The following RBFOX1 variants were observed in gnomAD, a reference collection of about 807,000 sequenced individuals.
RBFOX1 encodes RNA binding protein fox-1 homolog 1.
In RBFOX1, 8 loss-of-function variants were observed where a neutral mutation model predicts 57.7. That is an observed-to-expected ratio of 0.14 (90% CI 0.08 to 0.25). RBFOX1 has a LOEUF of 0.25. RBFOX1 is among the 10% of genes least tolerant of loss of function. The probability of loss-of-function intolerance (pLI) is 1.00; values close to 1 mark genes in which losing one functional copy is unlikely to be tolerated. For missense variants in RBFOX1, 611 were observed against 548.5 expected (o/e 1.11, Z -1.14); for synonymous variants, 326 against 222.4 (o/e 1.47, Z -4.15).
intron 4 of RBFOX1, among the ~76,000 whole-genome samples, chr16:7,420,723 G>C (rs910524760): frequency 6.6e-6 from 1 of 151,062 alleles, no homozygotes; most frequent in African/African-American, 2.4e-5. Context: ...ATGTACAAAT[G>C]TATGACTTCA....
intron 5 of RBFOX1, among the ~76,000 whole-genome samples, chr16:7,552,805 C>G (rs2086974983): frequency 6.6e-6 from 1 of 152,120 alleles, no homozygotes; most frequent in South Asian, 2.1e-4. Flanking sequence ...GCCTCAGACT[C>G]TCGAGTAGCT....
chr16:6,639,037 G>A (rs1432647846), intron 2 of RBFOX1, among the ~76,000 whole-genome samples: 1 of 152,142 alleles, frequency 6.6e-6, no homozygotes, highest in East Asian at 1.9e-4. Context: ...GAGACCTGTG[G>A]CCCCACCCAG....
intron 2 of RBFOX1, among the ~76,000 whole-genome samples, chr16:6,550,113 G>T (rs377492157): frequency 6.6e-6 from 1 of 151,870 alleles, no homozygotes; most frequent in South Asian, 2.1e-4. Flanking sequence ...TTTTCTCTTC[G>T]CTCTGTTTGG....
At chr16:7,435,684 C>G (rs560067977) in intron 4 of RBFOX1, among the ~76,000 whole-genome samples, 78 of 152,296 alleles carry the variant, frequency 5.1e-4, no homozygotes, top group Non-Finnish European at 8.7e-4. Context: ...TTGCCTGCCC[C>G]CGAAGCTATT....
chr16:6,602,893 G>T (rs745716087), intron 2 of RBFOX1, among the ~76,000 whole-genome samples: 12 of 152,222 alleles, frequency 7.9e-5, no homozygotes, highest in Non-Finnish European at 1.2e-4. Flanking sequence ...GAGTGCTTAA[G>T]ACTCTTTCCC....
rs752166946 is a variant in RBFOX1, at chr16:5,335,171, C to T, written c.219+95066C>T. 3.3e-5 allele frequency among the ~76,000 whole-genome samples: 5 copies of T among 150,084 alleles called. 1 individual carries two copies. Among genetic ancestry groups the T allele is most frequent in the African/African-American group, 7.3e-5 (3 of 40,944 alleles). ...TTTGGCTGTTTTTCTTCCGAATTGC[C>T]AGTTCACCTCTCTGCAATTTAAAAA... On this transcript the variant is annotated intron_variant, in intron 1 of 2. Coordinates refer to the RBFOX1 transcript ENST00000585867.
chr16:7,149,659 C>T (rs974910608), intron 4 of RBFOX1, among the ~76,000 whole-genome samples: 6 of 151,690 alleles, frequency 4.0e-5, no homozygotes, highest in Non-Finnish European at 7.4e-5. Context: ...CTATATGCCC[C>T]CGCAGGCCTC....
chr16:6,145,333 A>G (rs558460147), intron 1 of RBFOX1, among the ~76,000 whole-genome samples: 175 of 152,054 alleles, frequency 1.2e-3, no homozygotes, highest in African/African-American at 4.1e-3. Flanking sequence ...AAAGGCCTCC[A>G]ACTCCATCCA....
At chr16:7,222,077 G>T (rs969699653) in intron 4 of RBFOX1, among the ~76,000 whole-genome samples, 1 of 152,198 alleles carries the variant, frequency 6.6e-6, no homozygotes. Context: ...TGAATACTCT[G>T]TGTCACTGCT....
At chr16:6,257,006 C>G (rs1027128199) in intron 1 of RBFOX1, among the ~76,000 whole-genome samples, 3 of 152,122 alleles carry the variant, frequency 2.0e-5, no homozygotes, top group African/African-American at 7.2e-5. Flanking sequence ...TTTGTAGGAA[C>G]TTTGAGAAAG....
intron 4 of RBFOX1, among the ~76,000 whole-genome samples, chr16:7,438,234 C>T (rs539636190): frequency 1.4e-4 from 21 of 152,208 alleles, no homozygotes; most frequent in African/African-American, 4.8e-4. Context: ...TCTTCATGTC[C>T]TCTCTCTATT....
At chr16:5,592,867 C>A (rs1544531) in intron 2 of RBFOX1, among the ~76,000 whole-genome samples, 86,496 of 151,962 alleles carry the variant, frequency 0.57, 25,623 homozygotes, top group East Asian at 0.97. Context: ...TTTAGGGTTC[C>A]GTGGGCCCTG....
chr16:7,242,720 G>C (rs950844370), intron 4 of RBFOX1, among the ~76,000 whole-genome samples: 3 of 152,202 alleles, frequency 2.0e-5, no homozygotes, highest in Non-Finnish European at 4.4e-5. Flanking sequence ...CCAGGTTTCT[G>C]ATTGAGTGGC....
intron 4 of RBFOX1, among the ~76,000 whole-genome samples, chr16:7,497,586 A>G (rs999637615): frequency 2.0e-5 from 3 of 152,230 alleles, no homozygotes; most frequent in Non-Finnish European, 4.4e-5. Flanking sequence ...TATTAATGCA[A>G]AAACAAATGC....
intron 4 of RBFOX1, among the ~76,000 whole-genome samples, chr16:7,260,059 C>G (rs552993252): frequency 1.3e-5 from 2 of 152,240 alleles, no homozygotes; most frequent in East Asian, 1.9e-4. Flanking sequence ...CAGAGACTGT[C>G]TATTCACTGT....
intron 2 of RBFOX1, among the ~76,000 whole-genome samples, chr16:6,621,218 T>C (rs755708542): frequency 1.3e-5 from 2 of 152,132 alleles, no homozygotes; most frequent in Non-Finnish European, 2.9e-5. Flanking sequence ...TCCCAGCACA[T>C]TGGGAGGCCT....
At chr16:7,364,884 A>C (rs1253923387) in intron 4 of RBFOX1, among the ~76,000 whole-genome samples, 1 of 152,234 alleles carries the variant, frequency 6.6e-6, no homozygotes. Flanking sequence ...AAGGATATCA[A>C]GATGCTGTTA....
rs148155170 is a variant in RBFOX1 at position 7,075,666 on chromosome 16, C to T, written c.27+23568C>T. Among the ~76,000 whole-genome samples the T allele has an allele frequency of 7.1e-3, 1,074 of 151,822 alleles. 5 individuals are homozygous for T. The highest frequency in any genetic ancestry group is 8.5e-3 in the Non-Finnish European group (576 of 67,912). ...TGCGATCTTGGCTCACTGCAAGGTC[C>T]GCCTCTCAGGTTCACACCATTCTCC... On this transcript the variant is annotated intron_variant, in intron 4 of 15. Coordinates refer to ENST00000550418, the MANE Select transcript of RBFOX1 (RefSeq NM_018723.4).
intron 5 of RBFOX1, among the ~76,000 whole-genome samples, chr16:7,540,265 C>A (rs1007635914): frequency 1.3e-5 from 2 of 152,092 alleles, no homozygotes; most frequent in Non-Finnish European, 2.9e-5. Context: ...GCTGGAAACT[C>A]CTTGGTCTCT....
Sources: allele counts gnomAD v4.1 joint callset (sites outside exome capture counted in the v4.1 genomes callset), GRCh38; gene constraint gnomAD v4.1.1; transcripts MANE v1.5; gene names NCBI Gene and HGNC (gene_info 2026-07-23, HGNC 2026-07-21).